Variants in LIPG observed in about 807,000 individuals in gnomAD.
The protein encoded by LIPG is lipase G, endothelial type, also known as endothelial lipase.
LIPG carries 34 observed loss-of-function variants against 51.8 expected under a neutral mutation model. The observed-to-expected ratio is 0.66, with a 90% CI of 0.50 to 0.87. LIPG has a LOEUF of 0.87. Among genes scored for constraint, LIPG ranks in the 40% least tolerant of loss-of-function variants. The pLI, the probability that LIPG is intolerant of heterozygous loss-of-function variation, is 0.00. For synonymous variants in LIPG, 246 were observed against 246.1 expected, an observed-to-expected ratio of 1.00 and a Z score of 0.00; for missense variants, 580 against 652.7, an observed-to-expected ratio of 0.89 and a Z score of 1.21.
intron 9 of LIPG, chr18:49,590,017 G>C (rs942937386): frequency 1.3e-5 from 3 of 223,098 alleles, no homozygotes; most frequent in African/African-American, 6.8e-5. Context: ...GAGATTCAGA[G>C]AGGTTCAGTG....
chr18:49,584,547 G>A (rs1402113389), intron 8 of LIPG, among the ~76,000 whole-genome samples: 1 of 152,214 alleles, frequency 6.6e-6, no homozygotes, highest in African/African-American at 2.4e-5. Context: ...GCCTTGGCAT[G>A]GGAGGAGGCA....
chr18:49,595,058 T>C lies in LIPG; in HGVS notation c.*4536T>C, dbSNP rs1303250799. The C allele has an allele frequency of 6.6e-6, 1 of 152,214 alleles. No individual in the cohort carries two copies. The highest frequency in any genetic ancestry group is 2.4e-5 in the African/African-American group (1 of 41,454). The allele number at this position is 152,214 out of a possible 1,614,324, so 9.4% of individuals were successfully genotyped here. A position where few individuals can be genotyped will look rare whatever the true frequency, so the allele number is the denominator to read the frequency against. ...TGAAGCCCCAGACCCCTTGGAAGGA[T>C]GGATACAAAGTAGGTACTAGAACAG... On this transcript the variant is annotated 3_prime_UTR_variant, in exon 10 of 10. Transcript: ENST00000261292.
intron 5 of LIPG, among the ~76,000 whole-genome samples, chr18:49,579,401 A>T (rs1292944637): frequency 6.6e-6 from 1 of 151,718 alleles, no homozygotes; most frequent in African/African-American, 2.4e-5. Flanking sequence ...TCAGCCTGAG[A>T]TTACAGGCGC....
Position 49,579,773 on chromosome 18 carries a change from CTTTTCTTTTCTTTTCT to C in LIPG, c.794-1638_794-1623del, listed in dbSNP as rs1568533513. 9.0e-4 allele frequency among the ~76,000 whole-genome samples: 57 copies of C among 63,466 alleles called. 1 individual carries two copies. The highest frequency in any genetic ancestry group is 1.2e-3 in the African/African-American group (23 of 18,444). 41.6% of individuals were successfully genotyped at this position (63,466 alleles called of 152,430 possible). A position where few individuals can be genotyped will look rare whatever the true frequency, so the allele number is the denominator to read the frequency against. On this transcript the variant is annotated intron_variant, in intron 5 of 9. Coordinates refer to ENST00000261292, the MANE Select transcript of LIPG (RefSeq NM_006033.4). The stretch of plus-strand genomic sequence containing the variant: ...CCTTTCCTTTCCTTTCCTTTCTTTT[CTTTTCTTTTCTTTTCT>C]TTTCTTTTCTTTTCTTTTCTTTTCT...
chr18:49,583,100 G>C (rs2084840829), intron 7 of LIPG, among the ~76,000 whole-genome samples: 1 of 152,198 alleles, frequency 6.6e-6, no homozygotes, highest in Non-Finnish European at 1.5e-5. Flanking sequence ...GGGGGAGACA[G>C]ATGCCTGTCT....
At chr18:49,579,236 G>C (rs1481540391) in intron 5 of LIPG, among the ~76,000 whole-genome samples, 2 of 125,530 alleles carry the variant, frequency 1.6e-5, no homozygotes, top group East Asian at 2.4e-4. Flanking sequence ...GAGAGGGAGA[G>C]GGCTCACCGG....
chr18:49,583,766 C>G lies in LIPG; in HGVS notation c.1368C>G (p.Thr456=). The G allele has an allele frequency of 6.2e-7, 1 of 1,611,426 alleles. No individual in the cohort carries two copies. The highest frequency in any genetic ancestry group is 8.5e-7 in the Non-Finnish European group (1 of 1,179,128). ...IRRIRVKSGE[T]QRKLTFCTED... ...GCATCCGGGTGAAGTCTGGGGAAAC[C>G]CAGCGGAAGTAAGTGCCTCCTGCTC... The change falls in exon 8 of 10, where the codon ACC becomes ACG. Residue 456 remains threonine, a synonymous_variant. Transcript: ENST00000261292.
upstream of LIPG, chr18:49,561,790 T>C (rs1463509782): frequency 1.6e-6 from 2 of 1,256,552 alleles, no homozygotes; most frequent in Non-Finnish European, 2.0e-6. Context: ...GATCTGGGTG[T>C]CCGGAGGAGG....
intron 4 of LIPG, among the ~76,000 whole-genome samples, chr18:49,571,228 C>T (rs2084659617): frequency 6.6e-6 from 1 of 152,158 alleles, no homozygotes; most frequent in Non-Finnish European, 1.5e-5. Context: ...TCTTCCTAGC[C>T]CCTGAATGAG....
In LIPG at chr18:49,573,308, C is replaced by T. The variant is rs574455652; in HGVS notation, c.572-2061C>T. The stretch of plus-strand genomic sequence containing the variant: ...CCTTGCGGCCTCTGAAATGGGTTGT[C>T]GTGGGCTGTTCTGGGAGCACACTGC... On this transcript the variant is annotated intron_variant, in intron 4 of 9. Coordinates refer to ENST00000261292, the MANE Select transcript of LIPG (RefSeq NM_006033.4). 5.3e-5 allele frequency among the ~76,000 whole-genome samples: 8 copies of T among 152,316 alleles called. No homozygotes were observed. The South Asian group carries it at 8.3e-4, about 16-fold the overall frequency.
chr18:49,570,934 A>C (rs1009477695), intron 4 of LIPG, among the ~76,000 whole-genome samples: 1 of 152,230 alleles, frequency 6.6e-6, no homozygotes, highest in African/African-American at 2.4e-5. Context: ...TAGAATTTTA[A>C]AAAGAATATT....
intron 5 of LIPG, among the ~76,000 whole-genome samples, chr18:49,578,117 G>C (rs2084748510): frequency 1.6e-5 from 1 of 60,718 alleles, no homozygotes; most frequent in Non-Finnish European, 3.3e-5. Flanking sequence ...CCGGGCGGGG[G>C]GCTGACCCCC....
At chr18:49,578,902 C>A (rs1327457896) in intron 5 of LIPG, among the ~76,000 whole-genome samples, 2 of 146,916 alleles carry the variant, frequency 1.4e-5, no homozygotes, top group Admixed American at 1.4e-4. Context: ...ATCGCAGGCA[C>A]TCGGCAGGCT....
At chr18:49,579,457 C>T (rs1383729538) in intron 5 of LIPG, among the ~76,000 whole-genome samples, 1 of 152,052 alleles carries the variant, frequency 6.6e-6, no homozygotes, top group East Asian at 2.0e-4. Flanking sequence ...AATGCTTGAG[C>T]TTATTCTCAG....
At chr18:49,568,660 C>T (rs572582863) in intron 3 of LIPG, among the ~76,000 whole-genome samples, 3 of 152,240 alleles carry the variant, frequency 2.0e-5, no homozygotes, top group Admixed American at 6.5e-5. Context: ...GGATTAGAGA[C>T]GTGAGCCACC....
chr18:49,583,941 C>G (rs1443642365), intron 8 of LIPG, among the ~76,000 whole-genome samples, 167 bp downstream of exon 8: 4 of 152,198 alleles, frequency 2.6e-5, no homozygotes, highest in African/African-American at 9.6e-5. Flanking sequence ...ATCAAGGCTT[C>G]TATCAAAACT....
rs1415335189 is a variant in LIPG, at chr18:49,598,581, TCTC to T, written c.*8062_*8064del. The T allele has an allele frequency of 2.0e-5, 3 of 152,274 alleles. No homozygotes were observed. Among genetic ancestry groups the T allele is most frequent in the Non-Finnish European group, 2.9e-5 (2 of 68,086 alleles). 9.4% of individuals were successfully genotyped at this position (152,274 alleles called of 1,614,324 possible). On this transcript the variant is annotated 3_prime_UTR_variant, in exon 10 of 10. Coordinates refer to ENST00000261292, the MANE Select transcript of LIPG (RefSeq NM_006033.4). ...TCTCCTTCTCCTCTCCTTCTCCTCT[TCTC>T]CTTCTTCTTCTCACAGCTTTTTATT...
chr18:49,581,313 A>G, intron 5 of LIPG, 102 bp from the exon 6 acceptor site: 1 of 1,461,152 alleles, frequency 6.8e-7, no homozygotes. Context: ...TAACAGCAAC[A>G]ATAAACAGCT....
intron 5 of LIPG, among the ~76,000 whole-genome samples, chr18:49,579,625 T>C (rs1052197378): frequency 5.3e-5 from 8 of 152,048 alleles, no homozygotes; most frequent in African/African-American, 1.9e-4. Context: ...GCCCTCCACA[T>C]GTCCTGCCCT....
Sources: allele counts gnomAD v4.1 joint callset (sites outside exome capture counted in the v4.1 genomes callset), GRCh38; gene constraint gnomAD v4.1.1; transcripts MANE v1.5; gene names NCBI Gene and HGNC (gene_info 2026-07-23, HGNC 2026-07-21).